The following WAC variants were observed in gnomAD, a reference collection of about 807,000 sequenced individuals.
WAC encodes the protein WW domain-containing adapter protein with coiled-coil.
In WAC, 11 loss-of-function variants were observed where a neutral mutation model predicts 79.6. The ratio of observed to expected loss-of-function variants is 0.14; its 90% CI spans 0.09 to 0.23. The LOEUF (loss-of-function observed/expected upper bound fraction) is 0.23. Among genes scored for constraint, WAC ranks in the 10% least tolerant of loss-of-function variants. The probability of loss-of-function intolerance (pLI) is 1.00; values close to 1 mark genes in which losing one functional copy is unlikely to be tolerated. For missense variants in WAC, 728 were observed against 773.5 expected, an observed-to-expected ratio of 0.94 and a Z score of 0.70; for synonymous variants, 304 against 276.9, an observed-to-expected ratio of 1.10 and a Z score of -0.97.
intron 4 of WAC, among the ~76,000 whole-genome samples, chr10:28,583,931 C>A (rs912870058): frequency 6.6e-6 from 1 of 152,154 alleles, no homozygotes; most frequent in Non-Finnish European, 1.5e-5. Flanking sequence ...TATACAGTTA[C>A]CTGTCCACAA....
chr10:28,551,122 T>G (rs1837644560), intron 3 of WAC, among the ~76,000 whole-genome samples: 1 of 152,088 alleles, frequency 6.6e-6, no homozygotes, highest in Non-Finnish European at 1.5e-5. Flanking sequence ...TTTGGGGTGG[T>G]GTTAGTGGTG....
At position 28,614,614 on chromosome 10, in the gene WAC, A is replaced by C. The variant is rs1377259274; in HGVS notation, c.1485A>C (p.Thr495=). The C allele has an allele frequency of 6.8e-6, 11 of 1,614,080 alleles. No homozygotes were observed. The highest frequency in any genetic ancestry group is 1.3e-5 in the African/African-American group (1 of 74,930). Reference sequence around the variant, plus strand: ...AAGGACCAGTGTCACAGTCAGCCACACAGCAGCCTGTAACTGCTGACAAGC... The same window carrying C: ...AAGGACCAGTGTCACAGTCAGCCACCCAGCAGCCTGTAACTGCTGACAAGC... ...VKQGPVSQSA[T]QQPVTADKQQ... is the part of the protein sequence containing the mutation. The change falls in exon 11 of 14, where the codon ACA becomes ACC. Residue 495 remains threonine (T), a synonymous_variant. Transcript: ENST00000354911.
chr10:28,555,976 C>T (rs1837956163), intron 3 of WAC, among the ~76,000 whole-genome samples: 1 of 152,162 alleles, frequency 6.6e-6, no homozygotes, highest in Non-Finnish European at 1.5e-5. Context: ...AGCAGGATTC[C>T]TGCTGAATAT....
chr10:28,608,109 T>G, intron 7 of WAC, 77 bp from the exon 8 acceptor site: 6 of 1,549,894 alleles, frequency 3.9e-6, no homozygotes, highest in Non-Finnish European at 5.3e-6. Flanking sequence ...GCCTGGCACA[T>G]GAGAGGTGTT....
rs1470624166 is a variant in WAC at position 28,534,200 on chromosome 10, C to T, written c.78+166C>T. On this transcript the variant is annotated intron_variant, in intron 2 of 13. Coordinates refer to ENST00000354911, the MANE Select transcript of WAC (RefSeq NM_016628.5). The stretch of plus-strand genomic sequence containing the variant: ...AATTCCAGGTTTGGTTCCTTTAGCG[C>T]TCTCCAGCAAGGTTTAGTGACTTAT... 12 of 599,150 alleles carry T rather than the reference C, an allele frequency of 2.0e-5. No homozygotes were observed. In the East Asian group the frequency reaches 3.4e-4, roughly 17 times the overall value. The allele number at this position is 599,150 out of a possible 1,614,324, so 37.1% of individuals were successfully genotyped here.
rs193182485 is a variant in WAC at position 28,588,170 on chromosome 10, G to A, written c.382-1566G>A. Among the ~76,000 whole-genome samples the A allele has an allele frequency of 5.1e-3, 773 of 152,254 alleles. 3 individuals carry two copies. Among genetic ancestry groups the A allele is most frequent in the Middle Eastern group, 0.017 (5 of 294 alleles). ...AGCCTTCCAGATAACATCCGTAGAA[G>A]GGATCAGTTGCATAATAATTTATGT... On this transcript the variant is annotated intron_variant, in intron 4 of 13. Transcript: ENST00000354911.
intron 3 of WAC, chr10:28,535,969 G>A (rs1031571206): frequency 7.3e-6 from 3 of 409,794 alleles, no homozygotes; most frequent in African/African-American, 2.1e-5. Flanking sequence ...AAGGCCAGGC[G>A]CGGTGGCTCA....
At chr10:28,611,208 T>G in intron 9 of WAC, 1 of 1,246,142 alleles carries the variant, frequency 8.0e-7, no homozygotes, top group Middle Eastern at 2.3e-4. Flanking sequence ...CGTTAGATGT[T>G]TTTTGACTGG....
At chr10:28,550,214 A>C (rs1837583596) in intron 3 of WAC, among the ~76,000 whole-genome samples, 1 of 151,080 alleles carries the variant, frequency 6.6e-6, no homozygotes, top group African/African-American at 2.4e-5. Flanking sequence ...CCCAAAGTTC[A>C]CATTACTCTT....
chr10:28,545,258 G>A lies in WAC; in HGVS notation c.274+9501G>A, dbSNP rs557233778. Among the ~76,000 whole-genome samples the A allele has an allele frequency of 4.9e-4, 75 of 152,120 alleles. No homozygotes were observed. The Middle Eastern group carries it at 0.014, about 28-fold the overall frequency. On this transcript the variant is annotated intron_variant, in intron 3 of 13. Coordinates refer to ENST00000354911, the MANE Select transcript of WAC (RefSeq NM_016628.5). ...CGTAATCCCAGCATTTTGGGAGGCCGAGGAGGGCGGATCACCTAAGTTCGG... is the reference window on the plus strand; with the variant it reads ...CGTAATCCCAGCATTTTGGGAGGCCAAGGAGGGCGGATCACCTAAGTTCGG...
chr10:28,595,315 G>A (rs1329250608), intron 6 of WAC, among the ~76,000 whole-genome samples: 2 of 152,082 alleles, frequency 1.3e-5, no homozygotes, highest in African/African-American at 4.8e-5. Context: ...GAATAATTCA[G>A]TTATTAAAAT....
At chr10:28,605,437 T>C (rs1014150941) in intron 7 of WAC, among the ~76,000 whole-genome samples, 25 of 152,182 alleles carry the variant, frequency 1.6e-4, no homozygotes, top group Admixed American at 1.6e-3. Flanking sequence ...TGAGGACTAA[T>C]ACCTTTATTA....
intron 7 of WAC, among the ~76,000 whole-genome samples, chr10:28,598,675 G>A (rs1172143711): frequency 4.6e-5 from 7 of 152,334 alleles, no homozygotes; most frequent in South Asian, 4.1e-4. Flanking sequence ...TGTGGTGTTA[G>A]AGGCAGCTTC....
Position 28,533,568 on chromosome 10 carries a change from G to A in WAC, c.-12G>A, listed in dbSNP as rs1836401704. The A allele has an allele frequency of 1.3e-6, 2 of 1,527,860 alleles. No homozygotes were observed. Among genetic ancestry groups the A allele is most frequent in the Non-Finnish European group, 1.8e-6 (2 of 1,130,592 alleles). 94.6% of individuals were successfully genotyped at this position (1,527,860 alleles called of 1,614,324 possible). On this transcript the variant is annotated 5_prime_UTR_variant, in exon 1 of 14. Coordinates refer to ENST00000354911, the MANE Select transcript of WAC (RefSeq NM_016628.5). ...CCCCCCTCCCCGACACACACTCACAGGCCGGGCATTGATGGTAATGTATGC... is the reference window on the plus strand; with the variant it reads ...CCCCCCTCCCCGACACACACTCACAAGCCGGGCATTGATGGTAATGTATGC...
chr10:28,545,040 CAAAAA>C (rs71391049), intron 3 of WAC, among the ~76,000 whole-genome samples: 5 of 114,492 alleles, frequency 4.4e-5, no homozygotes, highest in Non-Finnish European at 5.6e-5. Context: ...GACTCTGTCT[CAAAAA>C]AAAAAAAAAA....
rs1376679616 is a variant in WAC, at chr10:28,552,180, T to G, written c.274+16423T>G. 4.6e-5 allele frequency among the ~76,000 whole-genome samples: 7 copies of G among 152,106 alleles called. No individual in the cohort carries two copies. In the East Asian group the frequency reaches 7.7e-4, roughly 17 times the overall value. ...CAATACATTATTTGTTACTTTTCAG[T>G]TTTTTTTCCTCTTAGTATTTATTCT... On this transcript the variant is annotated intron_variant, in intron 3 of 13. Transcript: ENST00000354911.
At chr10:28,566,562 C>T (rs1258957993) in intron 3 of WAC, among the ~76,000 whole-genome samples, 1 of 152,126 alleles carries the variant, frequency 6.6e-6, no homozygotes, top group Non-Finnish European at 1.5e-5. Flanking sequence ...TCTGTAGTTT[C>T]CTCTCCCCCA....
At chr10:28,560,773 G>C (rs1055497307) in intron 3 of WAC, among the ~76,000 whole-genome samples, 2 of 152,196 alleles carry the variant, frequency 1.3e-5, no homozygotes. Flanking sequence ...TGCCTATATA[G>C]TGTAAAAGCA....
At chr10:28,536,327 G>T (rs1330966342) in intron 3 of WAC, among the ~76,000 whole-genome samples, 1 of 151,774 alleles carries the variant, frequency 6.6e-6, no homozygotes, top group Non-Finnish European at 1.5e-5. Flanking sequence ...GCTTTCTTAA[G>T]GATGGGAAAA....
Sources: allele counts gnomAD v4.1 joint callset (sites outside exome capture counted in the v4.1 genomes callset), GRCh38; gene constraint gnomAD v4.1.1; transcripts MANE v1.5; gene names NCBI Gene and HGNC (gene_info 2026-07-23, HGNC 2026-07-21).